KDM6A: variants seen among roughly 807,000 people sequenced by gnomAD.
KDM6A encodes lysine-specific demethylase 6A.
In KDM6A, 11 loss-of-function variants were observed where a neutral mutation model predicts 117.6. That is an observed-to-expected ratio of 0.09 (90% CI 0.06 to 0.15). The LOEUF (loss-of-function observed/expected upper bound fraction) is 0.15, where lower values mean the gene tolerates loss of function less well. KDM6A is among the 10% of genes least tolerant of loss of function. KDM6A has a pLI of 1.00. For synonymous variants in KDM6A, 384 were observed against 396.1 expected, an observed-to-expected ratio of 0.97 and a Z score of 0.36; for missense variants, 799 against 1,077.3, an observed-to-expected ratio of 0.74 and a Z score of 3.62.
chrX:45,017,162 T>C (rs760633915), intron 5 of KDM6A, among the ~76,000 whole-genome samples: 1 of 112,401 alleles, frequency 8.9e-6, no homozygotes, highest in Non-Finnish European at 1.9e-5. Flanking sequence ...TTTGTTTCGT[T>C]AGAGAATATG....
chrX:44,916,313 G>C (rs970316119), intron 2 of KDM6A, among the ~76,000 whole-genome samples: 8 of 110,473 alleles, frequency 7.2e-5, no homozygotes, highest in African/African-American at 2.6e-4. Context: ...ATAGTAAGTA[G>C]TCTTCTGTGG....
intron 9 of KDM6A, among the ~76,000 whole-genome samples, 166 bp downstream of exon 9, chrX:45,051,968 C>T (rs781596407): frequency 2.7e-5 from 3 of 111,592 alleles, no homozygotes; most frequent in Non-Finnish European, 5.6e-5. Context: ...TTGTCCTTCC[C>T]ACAGTCTGTC....
chrX:44,935,908 A>G (rs2036939961), intron 2 of KDM6A, among the ~76,000 whole-genome samples: 1 of 111,787 alleles, frequency 8.9e-6, no homozygotes, highest in African/African-American at 3.3e-5. Context: ...CCTGGGGCTT[A>G]TGTTTGGTCC....
Position 45,060,642 on chromosome X carries a change from G to C in KDM6A, c.1363G>C (p.Val455Leu), listed in dbSNP as rs1247978055. The change falls in exon 14 of 30, where the codon GTA becomes CTA. Residue 455 changes from valine to leucine, a missense_variant. Transcript: ENST00000611820. ...ACCTCATCATCCAAATACTGAACCT[G>C]TATTAGGCCTCAGTCAAACACCAAT... Reference protein sequence around the residue: ...CKPHHPNTEPVLGLSQTPISQ... With the variant: ...CKPHHPNTEPLLGLSQTPISQ... 2.8e-6 allele frequency: 3 copies of C among 1,069,374 alleles called. No individual in the cohort carries two copies. The highest frequency in any genetic ancestry group is 3.7e-6 in the Non-Finnish European group (3 of 810,433). 88.1% of individuals were successfully genotyped at this position (1,069,374 alleles called of 1,213,427 possible). A position where few individuals can be genotyped will look rare whatever the true frequency, so the allele number is the denominator to read the frequency against.
Position 45,048,155 on chromosome X carries a change from G to A in KDM6A, c.655-3554G>A, listed in dbSNP as rs1430002384. Among the ~76,000 whole-genome samples, 14 of 72,001 alleles carry A rather than the reference G, an allele frequency of 1.9e-4. No individual in the cohort carries two copies. The Admixed American group carries it at 2.2e-3, about 11-fold the overall frequency. The allele number at this position is 72,001 out of a possible 115,157, so 62.5% of individuals were successfully genotyped here. Reference sequence around the variant, plus strand: ...AGCCTGGGCGACACAGTGAAAGTGCGTCTCAAAAAAAAAAAAAAAAAAAAA... The same window carrying A: ...AGCCTGGGCGACACAGTGAAAGTGCATCTCAAAAAAAAAAAAAAAAAAAAA... On this transcript the variant is annotated intron_variant, in intron 8 of 29. Transcript: ENST00000611820.
intron 8 of KDM6A, among the ~76,000 whole-genome samples, chrX:45,043,277 G>C (rs958567347): frequency 9.0e-6 from 1 of 110,935 alleles, no homozygotes; most frequent in African/African-American, 3.3e-5. Flanking sequence ...GTGACAAAGC[G>C]AGACCCCGTC....
intron 2 of KDM6A, among the ~76,000 whole-genome samples, chrX:44,942,752 G>C (rs2037406864): frequency 9.1e-6 from 1 of 109,858 alleles, no homozygotes; most frequent in African/African-American, 3.3e-5. Context: ...TATTTTGCTA[G>C]ATTTATACCT....
chrX:45,079,798 G>A (rs1330353550), intron 21 of KDM6A, among the ~76,000 whole-genome samples: 3 of 112,053 alleles, frequency 2.7e-5, no homozygotes, highest in African/African-American at 9.7e-5. Context: ...CGCCTACCTC[G>A]GCCTCCCAAA....
chrX:44,944,449 CA>C (rs772589844), intron 2 of KDM6A, among the ~76,000 whole-genome samples: 7 of 111,766 alleles, frequency 6.3e-5, no homozygotes, highest in African/African-American at 2.3e-4. Context: ...TCTGTAGCTA[CA>C]AAAAAATCCT....
chrX:44,976,697 C>A (rs1454221557), intron 4 of KDM6A, among the ~76,000 whole-genome samples: 1 of 111,527 alleles, frequency 9.0e-6, no homozygotes, highest in Non-Finnish European at 1.9e-5. Context: ...TCCATTGGAT[C>A]AATATACCAC....
intron 3 of KDM6A, among the ~76,000 whole-genome samples, chrX:44,963,489 GTCTGTCTGTC>G (rs1198013232): frequency 2.3e-5 from 1 of 43,367 alleles, no homozygotes; most frequent in South Asian, 1.4e-3. Context: ...GTGTGTGTCT[GTCTGTCTGTC>G]TCTGTCTGTC....
Position 45,053,834 on chromosome X carries a change from A to C in KDM6A, c.754A>C (p.Met252Leu), listed in dbSNP as rs376747068. 8.4e-7 allele frequency: 1 copy of C among 1,185,820 alleles called. No individual in the cohort carries two copies. The highest frequency in any genetic ancestry group is 1.1e-6 in the Non-Finnish European group (1 of 873,404). ...TTTTAAATCATTTACTGTAGGTTGG[A>C]TGCATCACACTGTAGATCTCCTGGG... ...KATVLQQLGW[M>L]HHTVDLLGDK... The change falls in exon 10 of 30, where the codon ATG becomes CTG. Residue 252 changes from methionine (M) to leucine (L), a missense_variant. By Grantham distance (15) the Met-to-Leu change is conservative. Transcript: ENST00000611820.
chrX:44,982,112 AC>A (rs2039943303), intron 4 of KDM6A, among the ~76,000 whole-genome samples: 1 of 110,579 alleles, frequency 9.0e-6, no homozygotes, highest in African/African-American at 3.3e-5. Context: ...TTTTTTTTCC[AC>A]TTTAAGAAAA....
At chrX:45,022,344 C>G (rs1242468103) in intron 6 of KDM6A, among the ~76,000 whole-genome samples, 2 of 111,925 alleles carry the variant, frequency 1.8e-5, no homozygotes, top group Non-Finnish European at 1.9e-5. Context: ...GGTAGAAAGT[C>G]TAAAAAGTCA....
intron 2 of KDM6A, among the ~76,000 whole-genome samples, chrX:44,885,558 G>A (rs73488825): frequency 9.1e-6 from 1 of 109,330 alleles, no homozygotes. Flanking sequence ...GAGAAGAGTA[G>A]TATAGCCAAA....
At chrX:44,961,559 T>A (rs2038670705) in intron 3 of KDM6A, among the ~76,000 whole-genome samples, 167 bp downstream of exon 3, 1 of 112,258 alleles carries the variant, frequency 8.9e-6, no homozygotes, top group South Asian at 3.6e-4. Flanking sequence ...ATAAGTTGGC[T>A]ATTCAGTAAA....
intron 27 of KDM6A, 51 bp from the exon 28 acceptor site, chrX:45,107,359 A>G (rs368824166): frequency 7.0e-6 from 8 of 1,150,748 alleles, no homozygotes; most frequent in Non-Finnish European, 9.5e-6. Flanking sequence ...TTTATGCTAA[A>G]AATATTCAAT....
Position 44,881,042 on chromosome X carries a change from A to G in KDM6A, c.225+7055A>G, listed in dbSNP as rs188826002. Among the ~76,000 whole-genome samples the G allele has an allele frequency of 2.7e-5, 3 of 112,371 alleles. No homozygotes were observed. In the Admixed American group the frequency reaches 2.8e-4, roughly 11 times the overall value. On this transcript the variant is annotated intron_variant, in intron 2 of 29. Coordinates refer to ENST00000611820, the MANE Select transcript of KDM6A (RefSeq NM_001291415.2). Reference sequence around the variant, plus strand: ...TTTGTGTTTTAGATGGCTTTGTGACAGTCACTGCGCTCATTCTTCATTTTG... The same window carrying G: ...TTTGTGTTTTAGATGGCTTTGTGACGGTCACTGCGCTCATTCTTCATTTTG...
intron 2 of KDM6A, among the ~76,000 whole-genome samples, chrX:44,898,214 C>T (rs370708411): frequency 8.9e-6 from 1 of 111,899 alleles, no homozygotes; most frequent in East Asian, 2.8e-4. Context: ...AGCTCCTTAC[C>T]TCATACCACT....
Sources: gnomAD v4.1 joint callset for allele counts (sites outside exome capture counted in the v4.1 genomes callset) on GRCh38, gnomAD v4.1.1 for gene constraint, MANE v1.5 for transcripts, NCBI Gene and HGNC (gene_info 2026-07-23, HGNC 2026-07-21) for gene names.